DTNB: variants seen among roughly 807,000 people sequenced by gnomAD.
The protein encoded by DTNB is dystrobrevin beta, also known as DTN-B.
In DTNB, 63 loss-of-function variants were observed where a neutral mutation model predicts 90.7. The observed-to-expected ratio is 0.69, with a 90% CI of 0.57 to 0.86. DTNB has a LOEUF of 0.86. Among genes scored for constraint, DTNB ranks in the 40% least tolerant of loss-of-function variants. The probability of loss-of-function intolerance (pLI) is 0.00; values close to 1 mark genes in which losing one functional copy is unlikely to be tolerated. For synonymous variants in DTNB, 277 were observed against 286.7 expected, an observed-to-expected ratio of 0.97 and a Z score of 0.34; for missense variants, 744 against 807.1, an observed-to-expected ratio of 0.92 and a Z score of 0.95.
rs558351253 is a variant in DTNB at position 25,379,783 on chromosome 2, T to C, written c.1880-460A>G. 35 of 158,838 alleles carry C rather than the reference T, an allele frequency of 2.2e-4. 1 individual carries two copies. In the South Asian group the frequency reaches 6.3e-3, roughly 29 times the overall value. 9.8% of individuals were successfully genotyped at this position (158,838 alleles called of 1,614,324 possible). The stretch of plus-strand genomic sequence containing the variant: ...AGCCTGTTCTGTTCTCTGAGGGCCA[T>C]TGCTGTCCAGCCTTGCACCAGGGCT... On this transcript the variant is annotated intron_variant, in intron 19 of 20. Transcript: ENST00000406818.
At chr2:25,503,047 C>T (rs193257707) in intron 9 of DTNB, among the ~76,000 whole-genome samples, 1,107 of 82,186 alleles carry the variant, frequency 0.013, 15 homozygotes, top group African/African-American at 0.05. Context: ...GAGCAAGACC[C>T]TATCTCAAAA....
intron 8 of DTNB, among the ~76,000 whole-genome samples, chr2:25,534,891 G>A (rs540188543): frequency 4.5e-4 from 67 of 148,670 alleles, no homozygotes; most frequent in Admixed American, 1.2e-3. Flanking sequence ...CTTCCCAGAC[G>A]GGGCGGCCGG....
In DTNB at chr2:25,427,666, C is replaced by T. The variant is rs1427424225; in HGVS notation, c.1458-35G>A. 6 of 1,600,956 alleles carry T rather than the reference C, an allele frequency of 3.7e-6. No homozygotes were observed. In the South Asian group the frequency reaches 6.6e-5, roughly 18 times the overall value. On this transcript the variant is annotated intron_variant, in intron 14 of 20. Coordinates refer to ENST00000406818, the MANE Select transcript of DTNB (RefSeq NM_021907.5). ...ACGAGAAGCCTATCAGATAAAGAGA[C>T]CCTCAAAGATGGATCTAAGGCCAGG...
chr2:25,565,742 CTT>C (rs2058936038), intron 8 of DTNB, among the ~76,000 whole-genome samples: 1 of 152,192 alleles, frequency 6.6e-6, no homozygotes, highest in Admixed American at 6.5e-5. Context: ...TGCAAACCAA[CTT>C]TTGCATTTCA....
intron 16 of DTNB, among the ~76,000 whole-genome samples, chr2:25,405,229 G>A (rs925662422): frequency 2.0e-5 from 3 of 152,084 alleles, no homozygotes; most frequent in Admixed American, 6.6e-5. Flanking sequence ...TGCCTGGCCC[G>A]ACTAACCACC....
At chr2:25,578,650 A>T (rs928001845) in intron 7 of DTNB, among the ~76,000 whole-genome samples, 1 of 152,224 alleles carries the variant, frequency 6.6e-6, no homozygotes, top group African/African-American at 2.4e-5. Context: ...GAAAAAATTA[A>T]CAAGTGTGTT....
At chr2:25,480,612 T>C (rs1009960354) in intron 10 of DTNB, among the ~76,000 whole-genome samples, 1 of 152,208 alleles carries the variant, frequency 6.6e-6, no homozygotes, top group Non-Finnish European at 1.5e-5. Flanking sequence ...CTCCTTCTAA[T>C]AGCCTCTAGC....
chr2:25,413,349 T>C (rs2047064041), intron 16 of DTNB, among the ~76,000 whole-genome samples: 1 of 152,080 alleles, frequency 6.6e-6, no homozygotes, highest in Admixed American at 6.6e-5. Context: ...ATCTGCCATG[T>C]TGGTGTGCTG....
intron 4 of DTNB, among the ~76,000 whole-genome samples, chr2:25,623,551 C>T (rs1033424351): frequency 6.6e-6 from 1 of 152,102 alleles, no homozygotes; most frequent in Admixed American, 6.5e-5. Flanking sequence ...TAAACAGGTC[C>T]TCACATGTAC....
intron 20 of DTNB, among the ~76,000 whole-genome samples, chr2:25,378,563 A>G (rs953376058): frequency 3.3e-5 from 5 of 150,726 alleles, no homozygotes; most frequent in African/African-American, 1.2e-4. Context: ...CTAATTTTTA[A>G]ATATAAGAGG....
At chr2:25,393,323 A>T (rs188489517) in intron 16 of DTNB, among the ~76,000 whole-genome samples, 5 of 152,354 alleles carry the variant, frequency 3.3e-5, no homozygotes, top group African/African-American at 1.2e-4. Flanking sequence ...AACTGGAACA[A>T]GACAAGGATG....
chr2:25,400,462 T>C (rs1302446861), intron 16 of DTNB, among the ~76,000 whole-genome samples: 2 of 152,098 alleles, frequency 1.3e-5, no homozygotes, highest in East Asian at 3.8e-4. Flanking sequence ...AGTGGGAGAC[T>C]TGGGGAGGGG....
chr2:25,381,697 G>A (rs1573604593), intron 19 of DTNB, among the ~76,000 whole-genome samples: 2 of 152,180 alleles, frequency 1.3e-5, no homozygotes, highest in Non-Finnish European at 1.5e-5. Flanking sequence ...TTTGGTGTCC[G>A]TGCCACATAT....
At chr2:25,415,171 A>G (rs2047581480) in intron 16 of DTNB, among the ~76,000 whole-genome samples, 1 of 152,150 alleles carries the variant, frequency 6.6e-6, no homozygotes, top group Non-Finnish European at 1.5e-5. Flanking sequence ...CCAAATGCCA[A>G]AGTAACCCTG....
intron 8 of DTNB, among the ~76,000 whole-genome samples, chr2:25,550,054 A>G (rs1374451863): frequency 1.3e-5 from 2 of 152,124 alleles, no homozygotes; most frequent in Non-Finnish European, 2.9e-5. Context: ...TGGATGGGAT[A>G]GAATTTTAGT....
At position 25,614,835 on chromosome 2, in the gene DTNB, G is replaced by A. The variant is rs144795155; in HGVS notation, c.363-7514C>T. Among the ~76,000 whole-genome samples, 456 of 152,280 alleles carry A rather than the reference G, an allele frequency of 3.0e-3. 1 individual carries two copies. The highest frequency in any genetic ancestry group is 0.011 in the African/African-American group (437 of 41,572). ...AATTCACTCTGACACCAGATGCCTCGGGAGTTATTTCCCCACACACCAAGC... is the reference window on the plus strand; with the variant it reads ...AATTCACTCTGACACCAGATGCCTCAGGAGTTATTTCCCCACACACCAAGC... On this transcript the variant is annotated intron_variant, in intron 4 of 20. Coordinates refer to ENST00000406818, the MANE Select transcript of DTNB (RefSeq NM_021907.5).
intron 1 of DTNB, among the ~76,000 whole-genome samples, chr2:25,653,660 C>T (rs894464387): frequency 6.6e-6 from 1 of 151,664 alleles, no homozygotes; most frequent in Non-Finnish European, 1.5e-5. Flanking sequence ...TACAGGCACG[C>T]ACCACCACGC....
chr2:25,478,728 T>C (rs1038641143), intron 10 of DTNB, among the ~76,000 whole-genome samples: 1 of 152,154 alleles, frequency 6.6e-6, no homozygotes, highest in African/African-American at 2.4e-5. Flanking sequence ...TCTGATGCCA[T>C]AGGTCTAACG....
chr2:25,387,475 A>C lies in DTNB; in HGVS notation c.1736-97T>G, dbSNP rs974633084. The stretch of plus-strand genomic sequence containing the variant: ...TCAGTTCTGCCAGGCCCGAGAACAC[A>C]GGTGTGGAACACCTAAGGGGAGATG... On this transcript the variant is annotated intron_variant, in intron 17 of 20. Coordinates refer to ENST00000406818, the MANE Select transcript of DTNB (RefSeq NM_021907.5). The surrounding 1 kb of genome is among the most constrained non-coding windows in gnomAD (Gnocchi z 4.5). The C allele has an allele frequency of 1.7e-6, 2 of 1,185,654 alleles. No individual in the cohort carries two copies. Among genetic ancestry groups the C allele is most frequent in the Non-Finnish European group, 1.2e-6 (1 of 825,548 alleles). The allele number at this position is 1,185,654 out of a possible 1,614,324, so 73.4% of individuals were successfully genotyped here.
Sources: gnomAD v4.1 joint callset for allele counts (sites outside exome capture counted in the v4.1 genomes callset) on GRCh38, gnomAD v4.1.1 for gene constraint, Gnocchi (gnomAD v3.1) non-coding constraint, MANE v1.5 for transcripts, NCBI Gene and HGNC (gene_info 2026-07-23, HGNC 2026-07-21) for gene names.